The following ABCG2 variants were observed in gnomAD, a reference collection of about 807,000 sequenced individuals.
ABCG2 encodes ATP binding cassette subfamily G member 2 (JR blood group).
ABCG2 carries 80 observed loss-of-function variants against 73.5 expected under a neutral mutation model. That is an observed-to-expected ratio of 1.09 (90% CI 0.91 to 1.31). The LOEUF is 1.31. ABCG2 is among the 50% of genes most tolerant of loss of function. ABCG2 has a pLI of 0.00. For missense variants in ABCG2, 796 were observed against 786.2 expected (o/e 1.01, Z -0.15); for synonymous variants, 269 against 282.4 (o/e 0.95, Z 0.48).
chr4:88,226,106 T>A (rs976036830), intron 1 of ABCG2, among the ~76,000 whole-genome samples: 19 of 152,178 alleles, frequency 1.2e-4, no homozygotes, highest in African/African-American at 4.1e-4. Flanking sequence ...AGTTTAAGTC[T>A]TATTATTTCT....
intron 9 of ABCG2, among the ~76,000 whole-genome samples, chr4:88,109,762 C>G (rs1723007085): frequency 6.6e-6 from 1 of 152,166 alleles, no homozygotes; most frequent in Non-Finnish European, 1.5e-5. Flanking sequence ...TGTAAAGCAA[C>G]AGATTCAAGA....
chr4:88,213,778 A>G (rs6836098), intron 1 of ABCG2, among the ~76,000 whole-genome samples: 151,243 of 151,852 alleles, frequency 1, 75,322 homozygotes, highest in East Asian at 1. Flanking sequence ...CGCCTCCCGG[A>G]TTCAAGCGAT....
chr4:88,139,714 T>C, intron 2 of ABCG2, 79 bp downstream of exon 2: 1 of 1,261,050 alleles, frequency 7.9e-7, no homozygotes, highest in Non-Finnish European at 1.1e-6. Context: ...CATAGCCAGT[T>C]TCTTGGAAAT....
chr4:88,137,012 C>CAATAA (rs56033368), intron 2 of ABCG2, among the ~76,000 whole-genome samples: 10,623 of 123,374 alleles, frequency 0.086, 612 homozygotes, highest in Non-Finnish European at 0.11. Context: ...ACCTCCATCT[C>CAATAA]AATAAAATAA....
chr4:88,164,354 G>A (rs368291738), intron 1 of ABCG2, among the ~76,000 whole-genome samples: 5 of 152,046 alleles, frequency 3.3e-5, no homozygotes, highest in African/African-American at 4.8e-5. Context: ...CGTGAGCTAC[G>A]GCTCCCAGCC....
chr4:88,226,011 C>A (rs1033518166), intron 1 of ABCG2, among the ~76,000 whole-genome samples: 2 of 152,080 alleles, frequency 1.3e-5, no homozygotes, highest in South Asian at 2.1e-4. Context: ...TATCTCCCAC[C>A]GGGTCCCTCC....
chr4:88,123,496 C>T (rs1298739318), intron 5 of ABCG2, among the ~76,000 whole-genome samples: 1 of 151,920 alleles, frequency 6.6e-6, no homozygotes, highest in Non-Finnish European at 1.5e-5. Context: ...AAAAACACAG[C>T]ACAAGAACTT....
chr4:88,094,169 C>T (rs903726427), intron 15 of ABCG2, among the ~76,000 whole-genome samples: 3 of 152,050 alleles, frequency 2.0e-5, no homozygotes, highest in African/African-American at 7.2e-5. Flanking sequence ...CAGAAGTATC[C>T]GTGAGTTCAG....
rs57417105 is a variant in ABCG2 at position 88,181,398 on chromosome 4, C to CAAAAAAAAAAAAAAAAAAAAAAAAAA, written c.-19-41385_-19-41384insTTTTTTTTTTTTTTTTTTTTTTTTTT. Among the ~76,000 whole-genome samples the CAAAAAAAAAAAAAAAAAAAAAAAAAA allele has an allele frequency of 1.0e-4, 10 of 96,880 alleles. 1 individual carries two copies. The highest frequency in any genetic ancestry group is 1.2e-4 in the Non-Finnish European group (6 of 51,106). 63.6% of individuals were successfully genotyped at this position (96,880 alleles called of 152,430 possible). A position where few individuals can be genotyped will look rare whatever the true frequency, so the allele number is the denominator to read the frequency against. On this transcript the variant is annotated intron_variant, in intron 1 of 15. Transcript: ENST00000515655. ...CTGGTGACAGAGCAAGACTCCATCT[C>CAAAAAAAAAAAAAAAAAAAAAAAAAA]AAAAAAAAAAAAAAAAAAAAAAAAA...
chr4:88,138,207 A>T (rs1426480557), intron 2 of ABCG2, among the ~76,000 whole-genome samples: 3 of 152,216 alleles, frequency 2.0e-5, no homozygotes, highest in Non-Finnish European at 4.4e-5. Context: ...AAAATGTTCC[A>T]AGAGTATAAT....
chr4:88,156,971 A>G (rs1726983974), intron 1 of ABCG2, among the ~76,000 whole-genome samples: 1 of 152,200 alleles, frequency 6.6e-6, no homozygotes, highest in African/African-American at 2.4e-5. Context: ...GCATGGTGGC[A>G]GGCGCCTATA....
At chr4:88,165,521 T>C (rs879583330) in intron 1 of ABCG2, among the ~76,000 whole-genome samples, 1 of 152,208 alleles carries the variant, frequency 6.6e-6, no homozygotes, top group Non-Finnish European at 1.5e-5. Context: ...CACCTTTAAG[T>C]ATTGTTATTA....
At chr4:88,097,416 A>G (rs1282863917) in intron 13 of ABCG2, 37 bp downstream of exon 13, 1 of 1,600,000 alleles carries the variant, frequency 6.3e-7, no homozygotes, top group African/African-American at 1.3e-5. Flanking sequence ...AAGGAAAAAA[A>G]CAATTCCTTA....
At chr4:88,125,082 G>C (rs961314127) in intron 5 of ABCG2, among the ~76,000 whole-genome samples, 3 of 151,878 alleles carry the variant, frequency 2.0e-5, no homozygotes, top group Admixed American at 1.3e-4. Flanking sequence ...CTTGAAGTCA[G>C]GAGATCAAGA....
intron 1 of ABCG2, among the ~76,000 whole-genome samples, chr4:88,146,505 C>T (rs1029938821): frequency 6.6e-6 from 1 of 152,050 alleles, no homozygotes; most frequent in African/African-American, 2.4e-5. Flanking sequence ...AGCAATTCTC[C>T]TGCATCAGCC....
chr4:88,231,221 T>G (rs1730452524), exon 1 of ABCG2: 2 of 152,206 alleles, frequency 1.3e-5, no homozygotes, highest in Non-Finnish European at 2.9e-5. Context: ...AAGTAGATCC[T>G]GCAGCTACCA....
At chr4:88,188,241 C>T (rs1458196046) in intron 1 of ABCG2, among the ~76,000 whole-genome samples, 3 of 152,182 alleles carry the variant, frequency 2.0e-5, no homozygotes, top group Non-Finnish European at 4.4e-5. Flanking sequence ...TCTATCCTTT[C>T]CCGACTGAAT....
intron 1 of ABCG2, among the ~76,000 whole-genome samples, chr4:88,196,656 T>G (rs1169216031): frequency 6.6e-6 from 1 of 151,998 alleles, no homozygotes; most frequent in Non-Finnish European, 1.5e-5. Context: ...ATACTTCAAT[T>G]TCTTCTGATT....
At position 88,211,369 on chromosome 4, in the gene ABCG2, C is replaced by T. The variant is rs866464240; in HGVS notation, c.-20+19625G>A. Among the ~76,000 whole-genome samples, 186 of 129,242 alleles carry T rather than the reference C, an allele frequency of 1.4e-3. 14 individuals carry two copies. The highest frequency in any genetic ancestry group is 4.9e-3 in the African/African-American group (177 of 36,480). 84.8% of individuals were successfully genotyped at this position (129,242 alleles called of 152,430 possible). A position where few individuals can be genotyped will look rare whatever the true frequency, so the allele number is the denominator to read the frequency against. Reference sequence around the variant, plus strand: ...ATTGTTCAACCCCTGCCCCACCCCCCCCCACTTTTGGAGACCCCAGTGTCT... The same window carrying T: ...ATTGTTCAACCCCTGCCCCACCCCCTCCCACTTTTGGAGACCCCAGTGTCT... On this transcript the variant is annotated intron_variant, in intron 1 of 15. Coordinates refer to the ABCG2 transcript ENST00000515655.
Sources: gnomAD v4.1 joint callset for allele counts (sites outside exome capture counted in the v4.1 genomes callset) on GRCh38, gnomAD v4.1.1 for gene constraint, MANE v1.5 for transcripts, NCBI Gene and HGNC (gene_info 2026-07-23, HGNC 2026-07-21) for gene names.